Variants in MFN1 observed in about 807,000 individuals in gnomAD.
The protein encoded by MFN1 is mitofusin-1.
MFN1 carries 65 observed loss-of-function variants against 92.4 expected under a neutral mutation model. That is an observed-to-expected ratio of 0.70 (90% CI 0.58 to 0.86). The LOEUF (loss-of-function observed/expected upper bound fraction) is 0.86. Ranked by LOEUF, MFN1 falls within the 40% of genes least tolerant of loss-of-function variation. MFN1 has a pLI of 0.00. For synonymous variants in MFN1, 297 were observed against 300.9 expected, an observed-to-expected ratio of 0.99 and a Z score of 0.13; for missense variants, 781 against 868.0, an observed-to-expected ratio of 0.90 and a Z score of 1.26.
intron 10 of MFN1, among the ~76,000 whole-genome samples, chr3:179,376,380 A>C (rs1713243222): frequency 6.6e-6 from 1 of 152,238 alleles, no homozygotes; most frequent in South Asian, 2.1e-4. Flanking sequence ...TAATTTTTAA[A>C]GATATAGGAT....
At chr3:179,369,567 T>C (rs1712940320) in intron 9 of MFN1, among the ~76,000 whole-genome samples, 1 of 152,174 alleles carries the variant, frequency 6.6e-6, no homozygotes, top group East Asian at 1.9e-4. Context: ...CCCAAGAATA[T>C]CTCGTTGAGG....
chr3:179,384,221 C>T (rs7638761), intron 14 of MFN1, among the ~76,000 whole-genome samples: 7,913 of 152,242 alleles, frequency 0.052, 660 homozygotes, highest in African/African-American at 0.18. Context: ...ATCCATTCAC[C>T]AGTTGATGGA....
rs1421630936 is a variant in MFN1 at position 179,364,405 on chromosome 3, G to A, written c.645G>A (p.Thr215=). The A allele has an allele frequency of 5.0e-6, 8 of 1,590,708 alleles. No homozygotes were observed. Among genetic ancestry groups the A allele is most frequent in the Middle Eastern group, 1.7e-4 (1 of 6,024 alleles). Residue 215 remains threonine, a splice_region_variant and synonymous_variant, in exon 6 of 18, where the codon ACG becomes ACA. Transcript: ENST00000471841. The part of the protein sequence containing the change: ...VANSESTLMN[T]EKHFFHKVNE... ...ACTCTGAATCAACACTAATGAATAC[G>A]GTAGGATTTAATCATATTATTGTGT...
At chr3:179,358,749 T>C (rs1712443672) in intron 3 of MFN1, 91 bp from the exon 4 acceptor site, 1 of 1,331,362 alleles carries the variant, frequency 7.5e-7, no homozygotes, top group Admixed American at 2.3e-5. Flanking sequence ...TAACAAAATT[T>C]GGATTTTAAA....
intron 16 of MFN1, among the ~76,000 whole-genome samples, chr3:179,387,218 C>A (rs1346526299): frequency 6.6e-6 from 1 of 152,096 alleles, no homozygotes; most frequent in Admixed American, 6.6e-5. Flanking sequence ...GCCACCATGC[C>A]CAACTCAAAA....
intron 9 of MFN1, among the ~76,000 whole-genome samples, chr3:179,368,400 T>C (rs1392953237): frequency 6.6e-6 from 1 of 152,224 alleles, no homozygotes; most frequent in Non-Finnish European, 1.5e-5. Flanking sequence ...ATTCCCTGTA[T>C]TCAATAATTT....
At chr3:179,378,853 A>G (rs1306441599) in intron 14 of MFN1, 39 bp downstream of exon 14, 14 of 1,457,122 alleles carry the variant, frequency 9.6e-6, no homozygotes, top group Non-Finnish European at 1.3e-5. Context: ...ACTCTCCTTT[A>G]TTATTTTGTT....
At chr3:179,380,957 A>AT (rs1691323160) in intron 14 of MFN1, among the ~76,000 whole-genome samples, 1 of 152,246 alleles carries the variant, frequency 6.6e-6, no homozygotes, top group Non-Finnish European at 1.5e-5. Flanking sequence ...GCAAAAAATA[A>AT]TATCTTCAGA....
intron 8 of MFN1, 67 bp downstream of exon 8, chr3:179,367,659 T>G: frequency 1.5e-6 from 2 of 1,365,626 alleles, no homozygotes; most frequent in South Asian, 1.4e-5. Context: ...GTGCGGTGGC[T>G]CACGCCTGTA....
chr3:179,359,125 T>TTATAAGATG, intron 4 of MFN1, 123 bp downstream of exon 4: 1 of 1,213,172 alleles, frequency 8.2e-7, no homozygotes, highest in Non-Finnish European at 1.1e-6. Context: ...GTTAATATTT[T>TTATAAGATG]TCTTTTTTTT....
chr3:179,351,269 G>T (rs754706787), intron 2 of MFN1, among the ~76,000 whole-genome samples: 2 of 152,170 alleles, frequency 1.3e-5, no homozygotes, highest in African/African-American at 4.8e-5. Context: ...TGGGATGTGC[G>T]GTTAAACCCT....
intron 3 of MFN1, among the ~76,000 whole-genome samples, chr3:179,353,911 T>C (rs1712251894): frequency 6.6e-6 from 1 of 152,278 alleles, no homozygotes. Flanking sequence ...ATCCTAAATG[T>C]TACTACCTTG....
At chr3:179,387,402 C>T (rs945052213) in intron 16 of MFN1, among the ~76,000 whole-genome samples, 8 of 151,832 alleles carry the variant, frequency 5.3e-5, no homozygotes, top group African/African-American at 1.7e-4. Context: ...AAAAATTAGC[C>T]GGGCATGGTA....
intron 7 of MFN1, among the ~76,000 whole-genome samples, chr3:179,365,723 CCCTAAATTAATCT>C (rs1347914449): frequency 2.6e-5 from 4 of 152,164 alleles, no homozygotes; most frequent in Admixed American, 2.6e-4. Context: ...ACTTCTGACC[CCCTAAATTAATCT>C]TTCTGGTTGT....
intron 10 of MFN1, 142 bp from the exon 11 acceptor site, chr3:179,376,900 C>T (rs1487353194): frequency 1.2e-5 from 8 of 687,716 alleles, no homozygotes; most frequent in Non-Finnish European, 1.9e-5. Flanking sequence ...TGAAATATTA[C>T]TTGAATCCTT....
chr3:179,377,372 G>T lies in MFN1; in HGVS notation c.1253G>T (p.Cys418Phe), dbSNP rs752640002. 3 of 1,609,166 alleles carry T rather than the reference G, an allele frequency of 1.9e-6. No individual in the cohort carries two copies. The African/African-American group carries it at 4.0e-5, about 22-fold the overall frequency. The part of the protein sequence containing the change: ...KVSCAMTDEI[C>F]RLSVLVDEFC... ...TCATGTGCAATGACAGATGAAATTT[G>T]TCGACTGTCTGTTTTGGTTGATGAA... Residue 418 changes from cysteine to phenylalanine, a missense_variant, in exon 12 of 18, where the codon TGT (cysteine) becomes TTT (phenylalanine). Transcript: ENST00000471841.
In MFN1 at chr3:179,368,245, G is replaced by A. The variant is rs188580550; in HGVS notation, c.975+142G>A. 496 of 443,538 alleles carry A rather than the reference G, an allele frequency of 1.1e-3. 2 individuals are homozygous for A. The highest frequency in any genetic ancestry group is 9.3e-3 in the African/African-American group (449 of 48,094). The allele number at this position is 443,538 out of a possible 1,614,324, so 27.5% of individuals were successfully genotyped here. A position where few individuals can be genotyped will look rare whatever the true frequency, so the allele number is the denominator to read the frequency against. On this transcript the variant is annotated intron_variant, in intron 9 of 17. Coordinates refer to ENST00000471841, the MANE Select transcript of MFN1 (RefSeq NM_033540.3). ...GTTACTGACACAGCCAGTAAAATGTGGAAAGTGAAGAAAAGGAGCCCCTGC... is the reference window on the plus strand; with the variant it reads ...GTTACTGACACAGCCAGTAAAATGTAGAAAGTGAAGAAAAGGAGCCCCTGC...
chr3:179,372,985 G>A (rs1713084311), intron 9 of MFN1, among the ~76,000 whole-genome samples: 1 of 152,046 alleles, frequency 6.6e-6, no homozygotes. Context: ...AAAACATCCG[G>A]GTATGTTTTA....
chr3:179,361,518 ACCCAAATGTTTATCT>A (rs1294890693), intron 4 of MFN1, among the ~76,000 whole-genome samples: 2 of 148,274 alleles, frequency 1.3e-5, no homozygotes, highest in African/African-American at 4.9e-5. Flanking sequence ...TTCTGTGTGT[ACCCAAATGTTTATCT>A]CTCACTTTTT....
Sources: allele counts gnomAD v4.1 joint callset (sites outside exome capture counted in the v4.1 genomes callset), GRCh38; gene constraint gnomAD v4.1.1; transcripts MANE v1.5; gene names NCBI Gene and HGNC (gene_info 2026-07-23, HGNC 2026-07-21).